Variants in NELL2 observed in about 807,000 individuals in gnomAD.
The protein encoded by NELL2 is neural EGFL like 2, also known as protein kinase C-binding protein NELL2.
In NELL2, 41 loss-of-function variants were observed where a neutral mutation model predicts 109.6. The ratio of observed to expected loss-of-function variants is 0.37; its 90% CI spans 0.29 to 0.49. The LOEUF is 0.49. NELL2 is among the 20% of genes least tolerant of loss of function. The pLI is 0.98. For missense variants in NELL2, 900 were observed against 1,008.3 expected, an observed-to-expected ratio of 0.89 and a Z score of 1.45; for synonymous variants, 355 against 344.7, an observed-to-expected ratio of 1.03 and a Z score of -0.33.
At chr12:44,676,935 T>C (rs1948340445) in intron 12 of NELL2, among the ~76,000 whole-genome samples, 1 of 152,098 alleles carries the variant, frequency 6.6e-6, no homozygotes, top group Admixed American at 6.6e-5. Context: ...AGATGCAGTA[T>C]CTGTCTTTGC....
chr12:44,750,843 C>T (rs778576797), intron 9 of NELL2, among the ~76,000 whole-genome samples: 11 of 152,016 alleles, frequency 7.2e-5, no homozygotes, highest in Non-Finnish European at 1.3e-4. Context: ...AATGACTTAA[C>T]TGAAATTCTG....
At chr12:44,561,528 C>T (rs1433541032) in intron 15 of NELL2, among the ~76,000 whole-genome samples, 3 of 151,460 alleles carry the variant, frequency 2.0e-5, no homozygotes, top group African/African-American at 7.3e-5. Flanking sequence ...CATTCCTATA[C>T]ACTAATAGAC....
chr12:44,549,616 A>T (rs776024147), intron 15 of NELL2, among the ~76,000 whole-genome samples: 5 of 152,216 alleles, frequency 3.3e-5, no homozygotes, highest in Non-Finnish European at 7.3e-5. Flanking sequence ...ATTTCTATAC[A>T]CTAATGGCGA....
chr12:44,915,240 T>C (rs1185955368), upstream of NELL2, among the ~76,000 whole-genome samples: 2 of 152,138 alleles, frequency 1.3e-5, no homozygotes, highest in African/African-American at 2.4e-5. Flanking sequence ...AAACACATAG[T>C]GATAAAAATA....
intron 12 of NELL2, among the ~76,000 whole-genome samples, chr12:44,668,220 AAC>A (rs1948004580): frequency 6.6e-6 from 1 of 152,080 alleles, no homozygotes; most frequent in South Asian, 2.1e-4. Context: ...TAGATGATGC[AAC>A]ACACTGAGGA....
At chr12:44,747,025 A>G (rs1286066558) in intron 9 of NELL2, among the ~76,000 whole-genome samples, 5 of 152,340 alleles carry the variant, frequency 3.3e-5, no homozygotes, top group Non-Finnish European at 7.3e-5. Context: ...CACTATTCAC[A>G]ATAGCAAAGA....
intron 2 of NELL2, among the ~76,000 whole-genome samples, chr12:44,842,671 T>A (rs1944262455): frequency 6.6e-6 from 1 of 151,980 alleles, no homozygotes; most frequent in Non-Finnish European, 1.5e-5. Context: ...TTAAACTGTG[T>A]CCCCCCAAAA....
At chr12:44,600,256 G>A (rs1413097151) in intron 15 of NELL2, among the ~76,000 whole-genome samples, 1 of 150,948 alleles carries the variant, frequency 6.6e-6, no homozygotes, top group South Asian at 2.1e-4. Context: ...TGATCCGCCC[G>A]CCTCGTCCTC....
At chr12:44,672,436 A>C (rs1948172107) in intron 12 of NELL2, among the ~76,000 whole-genome samples, 1 of 152,174 alleles carries the variant, frequency 6.6e-6, no homozygotes, top group East Asian at 1.9e-4. Context: ...TAACAGTTTC[A>C]TCCCGAAACC....
intron 3 of NELL2, among the ~76,000 whole-genome samples, chr12:44,811,016 G>A (rs920729358): frequency 6.6e-6 from 1 of 152,050 alleles, no homozygotes; most frequent in African/African-American, 2.4e-5. Context: ...ATGAGTTCAT[G>A]TCCTTTGCAG....
intron 1 of NELL2, among the ~76,000 whole-genome samples, chr12:44,902,494 T>C (rs749531428): frequency 3.5e-4 from 54 of 152,194 alleles, no homozygotes; most frequent in Non-Finnish European, 6.8e-4. Flanking sequence ...AATGTATAGA[T>C]TCAATGCTAT....
intron 13 of NELL2, among the ~76,000 whole-genome samples, chr12:44,614,526 T>C (rs1367423995): frequency 6.6e-6 from 1 of 151,978 alleles, no homozygotes; most frequent in East Asian, 1.9e-4. Flanking sequence ...TGAGGCACAA[T>C]ATAGTAAAGT....
At chr12:44,850,534 C>A (rs1467292932) in intron 2 of NELL2, among the ~76,000 whole-genome samples, 1 of 151,930 alleles carries the variant, frequency 6.6e-6, no homozygotes, top group Admixed American at 6.6e-5. Flanking sequence ...TTGAAGATTA[C>A]AGTCAATTAG....
chr12:44,705,276 C>A (rs1256842580), intron 11 of NELL2, among the ~76,000 whole-genome samples: 1 of 151,698 alleles, frequency 6.6e-6, no homozygotes, highest in African/African-American at 2.4e-5. Flanking sequence ...GAGTAATGTT[C>A]CAAAAATGTA....
chr12:44,720,527 A>G (rs1482531493), intron 9 of NELL2, among the ~76,000 whole-genome samples: 1 of 152,204 alleles, frequency 6.6e-6, no homozygotes, highest in African/African-American at 2.4e-5. Flanking sequence ...AGCAGTAAGA[A>G]AGTAGCTGGT....
At chr12:44,691,028 T>C (rs1395084216) in intron 12 of NELL2, among the ~76,000 whole-genome samples, 3 of 152,162 alleles carry the variant, frequency 2.0e-5, no homozygotes, top group Non-Finnish European at 4.4e-5. Flanking sequence ...AGGTAAGTCA[T>C]TAAGTTGAGG....
At chr12:44,536,270 A>C (rs146584904) in intron 15 of NELL2, among the ~76,000 whole-genome samples, 22 of 152,178 alleles carry the variant, frequency 1.4e-4, no homozygotes, top group African/African-American at 5.3e-4. Context: ...AAGCTGATCC[A>C]CAATTTATGA....
In NELL2 at chr12:44,528,097, CAAAAAAAAAAAAAAAA is replaced by C. The variant is rs71093812; in HGVS notation, c.1804+4468_1804+4483del. Among the ~76,000 whole-genome samples, 94 of 22,000 alleles carry C rather than the reference CAAAAAAAAAAAAAAAA, an allele frequency of 4.3e-3. 3 individuals are homozygous for C. The highest frequency in any genetic ancestry group is 0.014 in the African/African-American group (86 of 6,104). The allele number at this position is 22,000 out of a possible 152,430, so 14.4% of individuals were successfully genotyped here. ...TGGGCGACAGAGCGAGACTCCGTCTCAAAAAAAAAAAAAAAAAAAAAAAAAAAAAAGAATCCTTCAG... is the reference window on the plus strand; with the variant it reads ...TGGGCGACAGAGCGAGACTCCGTCTCAAAAAAAAAAAAAAGAATCCTTCAG... On this transcript the variant is annotated intron_variant, in intron 16 of 19. Transcript: ENST00000429094.
chr12:44,799,093 G>A (rs1942739617), intron 3 of NELL2, among the ~76,000 whole-genome samples: 1 of 151,414 alleles, frequency 6.6e-6, no homozygotes, highest in Non-Finnish European at 1.5e-5. Context: ...CGAGTAGCTA[G>A]GACTACAGAT....
Sources: gnomAD v4.1 joint callset for allele counts (sites outside exome capture counted in the v4.1 genomes callset) on GRCh38, gnomAD v4.1.1 for gene constraint, MANE v1.5 for transcripts, NCBI Gene and HGNC (gene_info 2026-07-23, HGNC 2026-07-21) for gene names.